The following PREPL variants were observed in gnomAD, a reference collection of about 807,000 sequenced individuals.
PREPL encodes the protein prolyl endopeptidase-like.
Under a neutral mutation model 70.6 loss-of-function variants are expected in PREPL, and 77 were observed. That is an observed-to-expected ratio of 1.09 (90% confidence interval 0.91 to 1.32). The LOEUF is 1.32. Among genes scored for constraint, PREPL ranks in the 40% most tolerant of loss-of-function variants. The pLI, the probability that PREPL is intolerant of heterozygous loss-of-function variation, is 0.00. For synonymous variants in PREPL, 315 were observed against 264.8 expected (o/e 1.19, Z -1.84); for missense variants, 1,002 against 778.2 (o/e 1.29, Z -3.42).
chr2:44,359,723 A>T (rs765352050), intron 1 of PREPL: 1 of 1,582,118 alleles, frequency 6.3e-7, no homozygotes, highest in Non-Finnish European at 8.7e-7. Context: ...CATGATATCA[A>T]AGTCCCTGGT....
Position 44,343,846 on chromosome 2 carries a change from G to A in PREPL, c.248C>T (p.Ala83Val). The A allele has an allele frequency of 1.2e-6, 2 of 1,613,812 alleles. No homozygotes were observed. Among genetic ancestry groups the A allele is most frequent in the Non-Finnish European group, 1.7e-6 (2 of 1,179,838 alleles). Residue 83 changes from alanine (A) to valine (V), a missense_variant, in exon 4 of 14, where the codon GCC becomes GTC. Coordinates refer to ENST00000409411, the MANE Select transcript of PREPL (RefSeq NM_001171613.2). ...RVAPDEKYVA[A>V]KIRTEDSEAS... is the part of the protein sequence containing the mutation. ...TTCAGAATCTTCAGTTCTTATCTTG[G>A]CAGCCACATATTTTTCATCTGGAGC...
upstream of PREPL, chr2:44,361,799 C>A: frequency 1.1e-6 from 1 of 947,570 alleles, no homozygotes; most frequent in Non-Finnish European, 1.4e-6. Flanking sequence ...TGGCTACCAG[C>A]AAGAATGGTG....
chr2:44,320,753 T>C lies in PREPL; in HGVS notation c.*603A>G, dbSNP rs1485211019. On this transcript the variant is annotated 3_prime_UTR_variant, in exon 14 of 14. Coordinates refer to ENST00000409411, the MANE Select transcript of PREPL (RefSeq NM_001171613.2). ...ACAATCATTAATTCTTCGATATTTC[T>C]GTAGCTTGAATGTAACTGCTTTAAG... The C allele has an allele frequency of 1.1e-6, 1 of 879,868 alleles. No individual in the cohort carries two copies. Among genetic ancestry groups the C allele is most frequent in the East Asian group, 2.5e-5 (1 of 39,478 alleles). The allele number at this position is 879,868 out of a possible 1,614,324, so 54.5% of individuals were successfully genotyped here. A position where few individuals can be genotyped will look rare whatever the true frequency, so the allele number is the denominator to read the frequency against.
At chr2:44,349,282 G>C (rs1057035516) in intron 1 of PREPL, among the ~76,000 whole-genome samples, 1 of 152,134 alleles carries the variant, frequency 6.6e-6, no homozygotes, top group Admixed American at 6.6e-5. Flanking sequence ...GGCTAGAGCA[G>C]GGAGAAAATA....
intron 4 of PREPL, among the ~76,000 whole-genome samples, 154 bp from the exon 5 acceptor site, chr2:44,342,706 G>A (rs111858551): frequency 6.6e-6 from 1 of 151,596 alleles, no homozygotes; most frequent in Admixed American, 6.6e-5. Context: ...AATCTGTGCT[G>A]TATATAAGCC....
intron 2 of PREPL, among the ~76,000 whole-genome samples, chr2:44,346,041 T>C (rs1270263629): frequency 6.6e-6 from 1 of 152,150 alleles, no homozygotes; most frequent in Non-Finnish European, 1.5e-5. Flanking sequence ...ATATTACAGT[T>C]GAAAATTCAT....
intron 7 of PREPL, among the ~76,000 whole-genome samples, chr2:44,336,394 A>T (rs896176793): frequency 6.6e-6 from 1 of 152,174 alleles, no homozygotes; most frequent in Non-Finnish European, 1.5e-5. Flanking sequence ...AGCAACATGG[A>T]TGAAGCTGGA....
At chr2:44,334,813 C>G (rs921699558) in intron 7 of PREPL, among the ~76,000 whole-genome samples, 4 of 152,242 alleles carry the variant, frequency 2.6e-5, no homozygotes, top group Non-Finnish European at 4.4e-5. Context: ...CTCCTGACCT[C>G]AGGTGATCCG....
At chr2:44,328,222 A>AT (rs965018286) in intron 9 of PREPL, among the ~76,000 whole-genome samples, 13 of 147,066 alleles carry the variant, frequency 8.8e-5, no homozygotes, top group Non-Finnish European at 1.6e-4. Context: ...GGCCAAGATC[A>AT]TGCCACTGCA....
intron 8 of PREPL, among the ~76,000 whole-genome samples, 156 bp from the exon 9 acceptor site, chr2:44,329,268 AAAAT>A (rs946852543): frequency 2.0e-5 from 3 of 152,266 alleles, no homozygotes; most frequent in Non-Finnish European, 4.4e-5. Flanking sequence ...ATGGTCTCTA[AAAAT>A]AAATCATGGC....
chr2:44,359,922 T>C (rs1677493848), intron 1 of PREPL: 1 of 528,238 alleles, frequency 1.9e-6, no homozygotes, highest in Non-Finnish European at 3.3e-6. Flanking sequence ...CTGTGTAAGT[T>C]AAAGTTTCAT....
intron 1 of PREPL, among the ~76,000 whole-genome samples, chr2:44,358,772 T>C (rs1225010911): frequency 3.3e-5 from 5 of 152,216 alleles, no homozygotes; most frequent in Non-Finnish European, 4.4e-5. Context: ...TCTGACAGTG[T>C]CTTCCTGAAT....
rs771527567 is a variant in PREPL, at chr2:44,359,656, T to G, written c.-49+1724A>C. Reference sequence around the variant, plus strand: ...TCAAATGCTGTTTCTGCATGCATTTTCCAAGGTGAGGAATACTATACTTCA... The same window carrying G: ...TCAAATGCTGTTTCTGCATGCATTTGCCAAGGTGAGGAATACTATACTTCA... On this transcript the variant is annotated intron_variant, in intron 1 of 13. Transcript: ENST00000409411. The G allele has an allele frequency of 1.1e-5, 17 of 1,613,514 alleles. No homozygotes were observed. The Middle Eastern group carries it at 1.2e-3, about 110-fold the overall frequency.
Position 44,319,937 on chromosome 2 carries a change from A to G in PREPL, c.*1419T>C, listed in dbSNP as rs2103636586. 1 of 405,364 alleles carries G rather than the reference A, an allele frequency of 2.5e-6. No homozygotes were observed. The highest frequency in any genetic ancestry group is 4.8e-5 in the East Asian group (1 of 21,020). The allele number at this position is 405,364 out of a possible 1,614,324, so 25.1% of individuals were successfully genotyped here. ...GACTCCTAAAGTGGAGTCAAATTTGATCTCTACAGAAACTCTACAATGTAG... is the reference window on the plus strand; with the variant it reads ...GACTCCTAAAGTGGAGTCAAATTTGGTCTCTACAGAAACTCTACAATGTAG... On this transcript the variant is annotated 3_prime_UTR_variant, in exon 14 of 14. Coordinates refer to ENST00000409411, the MANE Select transcript of PREPL (RefSeq NM_001171613.2).
At position 44,342,452 on chromosome 2, in the gene PREPL, T is replaced by G. The variant is rs142981913; in HGVS notation, c.450A>C (p.Lys150Asn). Residue 150 changes from lysine to asparagine, a missense_variant, in exon 5 of 14, where the codon AAA becomes AAC. By Grantham distance (94) the Lys-to-Asn change is moderately conservative. Coordinates refer to ENST00000409411, the MANE Select transcript of PREPL (RefSeq NM_001171613.2). The part of the protein sequence containing the change: ...DVYRATFGDN[K>N]RNERFYTEKD... The stretch of plus-strand genomic sequence containing the variant: ...TTTCTGTGTAAAAGCGTTCATTACG[T>G]TTGTTATCACCAAAAGTGGCTCGAT... 5.6e-5 allele frequency: 90 copies of G among 1,613,272 alleles called. No homozygotes were observed. In the African/African-American group the frequency reaches 1.1e-3, roughly 19 times the overall value.
At chr2:44,353,668 T>C (rs1676697556) in intron 1 of PREPL, among the ~76,000 whole-genome samples, 1 of 151,962 alleles carries the variant, frequency 6.6e-6, no homozygotes, top group Admixed American at 6.6e-5. Flanking sequence ...ACGACAGACA[T>C]ATACAAAAAT....
Position 44,329,063 on chromosome 2 carries a change from T to C in PREPL, c.1136A>G (p.Asp379Gly), listed in dbSNP as rs1439113296. 1.2e-6 allele frequency: 2 copies of C among 1,611,510 alleles called. No individual in the cohort carries two copies. Among genetic ancestry groups the C allele is most frequent in the East Asian group, 2.2e-5 (1 of 44,878 alleles). Residue 379 changes from aspartate to glycine, a missense_variant, in exon 9 of 14, where the codon GAC (aspartate) becomes GGC (glycine). Coordinates refer to ENST00000409411, the MANE Select transcript of PREPL (RefSeq NM_001171613.2). ...TACCAAGAGAGGTTTCTTCTGCAAG[T>C]CCTCAGAGTCAGTTTTGTGGAAAAC... ...MTVFHKTDSE[D>G]LQKKPLLVHV...
intron 10 of PREPL, among the ~76,000 whole-genome samples, chr2:44,323,779 G>A (rs115429601): frequency 0.011 from 1,694 of 152,286 alleles, 37 homozygotes; most frequent in African/African-American, 0.039. Context: ...ACAACAACAA[G>A]TATTGGCAGT....
intron 5 of PREPL, among the ~76,000 whole-genome samples, chr2:44,342,001 G>C (rs140365154): frequency 1.1e-4 from 17 of 152,220 alleles, no homozygotes; most frequent in African/African-American, 3.9e-4. Flanking sequence ...GTTTGAAAGA[G>C]AGATACCTAT....
Sources: gnomAD v4.1 joint callset for allele counts (sites outside exome capture counted in the v4.1 genomes callset) on GRCh38, gnomAD v4.1.1 for gene constraint, MANE v1.5 for transcripts, NCBI Gene and HGNC (gene_info 2026-07-23, HGNC 2026-07-21) for gene names.